The following TMEM38B variants were observed in gnomAD, a reference collection of about 807,000 sequenced individuals.
TMEM38B encodes trimeric intracellular cation channel type B.
TMEM38B carries 24 observed loss-of-function variants against 28.7 expected under a neutral mutation model. The ratio of observed to expected loss-of-function variants is 0.84; its 90% CI spans 0.61 to 1.18. TMEM38B has a LOEUF of 1.18. Among genes scored for constraint, TMEM38B ranks in the 50% most tolerant of loss-of-function variants. The pLI, the probability that TMEM38B is intolerant of heterozygous loss-of-function variation, is 0.00. For missense variants in TMEM38B, 380 were observed against 350.9 expected, an observed-to-expected ratio of 1.08 and a Z score of -0.66; for synonymous variants, 131 against 127.7, an observed-to-expected ratio of 1.03 and a Z score of -0.17.
intron 5 of TMEM38B, among the ~76,000 whole-genome samples, chr9:105,750,285 G>T (rs1837599310): frequency 6.7e-6 from 1 of 149,384 alleles, no homozygotes; most frequent in Non-Finnish European, 1.5e-5. Context: ...CATTCTGTAA[G>T]TTTTTTTTTT....
At chr9:105,708,270 A>C (rs1471122201) in intron 2 of TMEM38B, among the ~76,000 whole-genome samples, 1 of 152,228 alleles carries the variant, frequency 6.6e-6, no homozygotes, top group Non-Finnish European at 1.5e-5. Context: ...AATAACAATA[A>C]TGTGTAACAA....
At position 105,773,860 on chromosome 9, in the gene TMEM38B, C is replaced by G. The variant is rs1396452109; in HGVS notation, c.661-5C>G. On this transcript the variant is annotated splice_polypyrimidine_tract_variant and splice_region_variant and intron_variant, in intron 5 of 5. Coordinates refer to ENST00000374692, the MANE Select transcript of TMEM38B (RefSeq NM_018112.3). Reference sequence around the variant, plus strand: ...TAAATTCAAAATTAAACTTTTTTCCCCCAGATAACCATGATGACTACACAG... The same window carrying G: ...TAAATTCAAAATTAAACTTTTTTCCGCCAGATAACCATGATGACTACACAG... 2 of 1,592,314 alleles carry G rather than the reference C, an allele frequency of 1.3e-6. No individual in the cohort carries two copies. The highest frequency in any genetic ancestry group is 3.5e-5 in the Admixed American group (2 of 56,606).
At chr9:105,743,677 A>G (rs1186878466) in intron 4 of TMEM38B, among the ~76,000 whole-genome samples, 2 of 152,184 alleles carry the variant, frequency 1.3e-5, no homozygotes, top group Admixed American at 1.3e-4. Context: ...TTATTGTTTT[A>G]TGAGAACCAG....
At position 105,774,134 on chromosome 9, in the gene TMEM38B, A is replaced by G. The variant is rs1430007932; in HGVS notation, c.*54A>G. Reference sequence around the variant, plus strand: ...AAATTTTTTTTCTTATCTACCTGTTATATTGTGCTAATTTTTCTATGTATG... The same window carrying G: ...AAATTTTTTTTCTTATCTACCTGTTGTATTGTGCTAATTTTTCTATGTATG... On this transcript the variant is annotated 3_prime_UTR_variant, in exon 6 of 6. Coordinates refer to ENST00000374692, the MANE Select transcript of TMEM38B (RefSeq NM_018112.3). 67 of 1,436,170 alleles carry G rather than the reference A, an allele frequency of 4.7e-5. No individual in the cohort carries two copies. Among genetic ancestry groups the G allele is most frequent in the Non-Finnish European group, 6.4e-5 (67 of 1,045,202 alleles). 89.0% of individuals were successfully genotyped at this position (1,436,170 alleles called of 1,614,324 possible).
At chr9:105,702,483 T>C (rs1244299135) in intron 1 of TMEM38B, among the ~76,000 whole-genome samples, 3 of 152,182 alleles carry the variant, frequency 2.0e-5, no homozygotes, top group Non-Finnish European at 4.4e-5. Context: ...AAAGAAGTCA[T>C]GTATGCAGTG....
At position 105,774,106 on chromosome 9, in the gene TMEM38B, CA is replaced by C. The variant is rs767202938; in HGVS notation, c.*31del. On this transcript the variant is annotated 3_prime_UTR_variant, in exon 6 of 6. Transcript: ENST00000374692. ...ATTTACGTGATGAGCTCTACAAGGC[CA>C]AAAATTTTTTTTCTTATCTACCTGT... is the stretch of plus-strand genomic sequence containing the variant. 7.5e-6 allele frequency: 12 copies of C among 1,598,530 alleles called. No individual in the cohort carries two copies. The highest frequency in any genetic ancestry group is 5.2e-5 in the Admixed American group (3 of 57,618).
chr9:105,749,906 A>G (rs959471257), intron 5 of TMEM38B, among the ~76,000 whole-genome samples: 15 of 152,190 alleles, frequency 9.9e-5, no homozygotes, highest in Admixed American at 9.8e-4. Flanking sequence ...TTTAGGCCAT[A>G]TGTTAATTCT....
chr9:105,757,024 G>C (rs1812653872), intron 5 of TMEM38B, among the ~76,000 whole-genome samples: 1 of 152,076 alleles, frequency 6.6e-6, no homozygotes, highest in African/African-American at 2.4e-5. Flanking sequence ...GGTGTATACT[G>C]TACCCAATGT....
intron 4 of TMEM38B, among the ~76,000 whole-genome samples, chr9:105,727,616 A>G (rs1315150923): frequency 3.3e-5 from 5 of 152,138 alleles, no homozygotes; most frequent in Non-Finnish European, 7.4e-5. Context: ...AAAGTTTAGT[A>G]TTTTAGAAGA....
At chr9:105,697,533 G>T (rs1373803224) in intron 1 of TMEM38B, among the ~76,000 whole-genome samples, 1 of 152,028 alleles carries the variant, frequency 6.6e-6, no homozygotes, top group Non-Finnish European at 1.5e-5. Flanking sequence ...TGATGTGTTT[G>T]TGCCTCTTAT....
intron 2 of TMEM38B, among the ~76,000 whole-genome samples, chr9:105,712,470 A>G (rs1325220793): frequency 6.6e-6 from 1 of 152,200 alleles, no homozygotes; most frequent in African/African-American, 2.4e-5. Context: ...TCCATAGTCC[A>G]GAGTTTGCTG....
intron 5 of TMEM38B, among the ~76,000 whole-genome samples, chr9:105,755,940 C>T (rs1160292688): frequency 6.6e-6 from 1 of 152,104 alleles, no homozygotes; most frequent in African/African-American, 2.4e-5. Flanking sequence ...TTTTAAAAGG[C>T]AGATTCCTGG....
At chr9:105,738,892 T>G (rs1164665767) in intron 4 of TMEM38B, among the ~76,000 whole-genome samples, 3 of 151,858 alleles carry the variant, frequency 2.0e-5, no homozygotes, top group Non-Finnish European at 4.4e-5. Context: ...TAATTTTTAT[T>G]TTTTATTTTT....
chr9:105,723,694 G>A (rs1382557278), intron 4 of TMEM38B, among the ~76,000 whole-genome samples: 2 of 152,042 alleles, frequency 1.3e-5, no homozygotes, highest in Admixed American at 6.6e-5. Context: ...ACCACACCCA[G>A]CCAGTATTTT....
chr9:105,764,266 C>T (rs973088864), intron 5 of TMEM38B, among the ~76,000 whole-genome samples: 49 of 152,152 alleles, frequency 3.2e-4, no homozygotes, highest in Non-Finnish European at 6.3e-4. Flanking sequence ...AAAGGGTATT[C>T]AGTTAGGAAA....
chr9:105,747,123 A>G (rs190390500), intron 4 of TMEM38B, among the ~76,000 whole-genome samples: 259 of 152,174 alleles, frequency 1.7e-3, no homozygotes, highest in African/African-American at 5.8e-3. Context: ...CTCTTTTTCT[A>G]TTGATTGCTA....
At chr9:105,745,575 G>A (rs1341206830) in intron 4 of TMEM38B, among the ~76,000 whole-genome samples, 1 of 152,136 alleles carries the variant, frequency 6.6e-6, no homozygotes, top group Admixed American at 6.5e-5. Context: ...TTGCTGTGCA[G>A]AAGCTCTTGA....
At chr9:105,708,992 AT>A (rs61703546) in intron 2 of TMEM38B, among the ~76,000 whole-genome samples, 2,597 of 140,800 alleles carry the variant, frequency 0.018, 30 homozygotes, top group African/African-American at 0.044. Context: ...CACGTTGGCT[AT>A]TTTTTTTTTT....
At chr9:105,772,939 C>G (rs961783119) in intron 5 of TMEM38B, among the ~76,000 whole-genome samples, 1 of 152,022 alleles carries the variant, frequency 6.6e-6, no homozygotes, top group Non-Finnish European at 1.5e-5. Context: ...CTTCCACCTC[C>G]CCACACTGTA....
Sources: gnomAD v4.1 joint callset for allele counts (sites outside exome capture counted in the v4.1 genomes callset) on GRCh38, gnomAD v4.1.1 for gene constraint, MANE v1.5 for transcripts, NCBI Gene and HGNC (gene_info 2026-07-23, HGNC 2026-07-21) for gene names.